The following NALCN variants were observed in gnomAD, a reference collection of about 807,000 sequenced individuals.
NALCN encodes sodium leak channel NALCN.
NALCN carries 111 observed loss-of-function variants against 225.3 expected under a neutral mutation model. The ratio of observed to expected loss-of-function variants is 0.49; its 90% confidence interval spans 0.42 to 0.58. The LOEUF (loss-of-function observed/expected upper bound fraction) is 0.58, where lower values mean the gene tolerates loss of function less well. Ranked by LOEUF, NALCN falls within the 20% of genes least tolerant of loss-of-function variation. NALCN has a pLI of 0.00. For missense variants in NALCN, 1,378 were observed against 2,202.4 expected (o/e 0.63, Z 7.49); for synonymous variants, 764 against 769.0 (o/e 0.99, Z 0.11).
At chr13:101,187,781 G>A (rs530807758) in intron 14 of NALCN, among the ~76,000 whole-genome samples, 1 of 152,304 alleles carries the variant, frequency 6.6e-6, no homozygotes, top group South Asian at 2.1e-4. Context: ...GCACTTGGGA[G>A]GGTAAATTAG....
At chr13:101,305,735 A>G (rs1401429340) in intron 7 of NALCN, among the ~76,000 whole-genome samples, 3 of 152,248 alleles carry the variant, frequency 2.0e-5, no homozygotes, top group Non-Finnish European at 4.4e-5. Flanking sequence ...TGCAGTATTT[A>G]TAAAAGTTTG....
intron 34 of NALCN, 122 bp downstream of exon 34, chr13:101,081,405 G>A: frequency 1.4e-6 from 2 of 1,382,894 alleles, no homozygotes; most frequent in Middle Eastern, 1.9e-4. Flanking sequence ...TGGGCTTTAG[G>A]GAGGTCCATC....
intron 10 of NALCN, among the ~76,000 whole-genome samples, chr13:101,259,485 C>A (rs2042345378): frequency 6.6e-6 from 1 of 151,618 alleles, no homozygotes; most frequent in Admixed American, 6.6e-5. Flanking sequence ...AGGCGCCCGC[C>A]ACCACGTCTG....
rs548478752 is a variant in NALCN at position 101,237,732 on chromosome 13, C to A, written c.1434+23G>T. On this transcript the variant is annotated intron_variant, in intron 12 of 43. Coordinates refer to ENST00000251127, the MANE Select transcript of NALCN (RefSeq NM_052867.4). ...CTGGAAATAAATAAATTTCTAAAGA[C>A]AAATAGGCATTATTTTTATTACCTG... 7 of 1,518,124 alleles carry A rather than the reference C, an allele frequency of 4.6e-6. No individual in the cohort carries two copies. The East Asian group carries it at 1.7e-4, about 37-fold the overall frequency. The allele number at this position is 1,518,124 out of a possible 1,614,324, so 94.0% of individuals were successfully genotyped here. A position where few individuals can be genotyped will look rare whatever the true frequency, so the allele number is the denominator to read the frequency against.
At chr13:101,059,674 C>CTTT (rs35627368) in intron 42 of NALCN, 144 bp downstream of exon 42, 343 of 607,570 alleles carry the variant, frequency 5.6e-4, no homozygotes, top group South Asian at 6.6e-4. Flanking sequence ...TTTCCGTTGC[C>CTTT]TTTTTTTTTT....
intron 13 of NALCN, among the ~76,000 whole-genome samples, chr13:101,204,321 G>C (rs1228875226): frequency 6.6e-6 from 1 of 152,132 alleles, no homozygotes; most frequent in Admixed American, 6.5e-5. Flanking sequence ...ATGTTGGCAA[G>C]AAAGACCAAG....
intron 3 of NALCN, among the ~76,000 whole-genome samples, chr13:101,382,607 C>A (rs2046882154): frequency 6.6e-6 from 1 of 152,048 alleles, no homozygotes; most frequent in Non-Finnish European, 1.5e-5. Context: ...CTGGCCCACA[C>A]TACATTTCAA....
Position 101,055,407 on chromosome 13 carries a change from T to C in NALCN, c.5105A>G (p.Lys1702Arg). The C allele has an allele frequency of 1.2e-6, 2 of 1,614,168 alleles. No homozygotes were observed. Among genetic ancestry groups the C allele is most frequent in the South Asian group, 2.2e-5 (2 of 91,080 alleles). Residue 1702 changes from lysine to arginine, a missense_variant, in exon 44 of 44, where the codon AAA becomes AGA. Lys to Arg is a conservative substitution (Grantham distance 26). Transcript: ENST00000251127. ...AGCCGCGTCAGTCATGGGGTTCATTTTGCACACGACAGATTTCATGGTTGT... is the reference window on the plus strand; with the variant it reads ...AGCCGCGTCAGTCATGGGGTTCATTCTGCACACGACAGATTTCATGGTTGT... ...GRTTMKSVVC[K>R]MNPMTDAASC...
intron 15 of NALCN, among the ~76,000 whole-genome samples, chr13:101,152,780 T>C (rs2037714958): frequency 6.6e-6 from 1 of 152,164 alleles, no homozygotes; most frequent in African/African-American, 2.4e-5. Context: ...ATTATATCTG[T>C]CCTTTGTTAC....
At chr13:101,236,411 G>C (rs2041555773) in intron 12 of NALCN, among the ~76,000 whole-genome samples, 1 of 152,050 alleles carries the variant, frequency 6.6e-6, no homozygotes, top group Non-Finnish European at 1.5e-5. Context: ...TCCCATTACT[G>C]GGTATATACC....
chr13:101,398,959 T>C lies in NALCN; in HGVS notation c.108+60A>G, dbSNP rs547831175. Reference sequence around the variant, plus strand: ...GCCAAAGGTACATGATATTTGAATTTGTCAATCACATTTATCTCACATCCA... The same window carrying C: ...GCCAAAGGTACATGATATTTGAATTCGTCAATCACATTTATCTCACATCCA... On this transcript the variant is annotated intron_variant, in intron 2 of 43. Coordinates refer to ENST00000251127, the MANE Select transcript of NALCN (RefSeq NM_052867.4). 1.2e-5 allele frequency: 13 copies of C among 1,077,528 alleles called. No homozygotes were observed. The African/African-American group carries it at 1.9e-4, about 15-fold the overall frequency. 66.7% of individuals were successfully genotyped at this position (1,077,528 alleles called of 1,614,324 possible). A position where few individuals can be genotyped will look rare whatever the true frequency, so the allele number is the denominator to read the frequency against.
intron 6 of NALCN, among the ~76,000 whole-genome samples, chr13:101,348,249 T>G (rs2045802605): frequency 6.6e-6 from 1 of 152,212 alleles, no homozygotes; most frequent in Non-Finnish European, 1.5e-5. Context: ...TCTGACCTAC[T>G]TATTACATGT....
At chr13:101,237,979 T>G (rs2041624120) in intron 11 of NALCN, 57 bp from the exon 12 acceptor site, 3 of 1,484,078 alleles carry the variant, frequency 2.0e-6, no homozygotes, top group Middle Eastern at 2.2e-4. Context: ...TATTCTAAAT[T>G]ATTTCACATA....
At chr13:101,332,633 G>C (rs2045225808) in intron 7 of NALCN, among the ~76,000 whole-genome samples, 1 of 152,098 alleles carries the variant, frequency 6.6e-6, no homozygotes, top group African/African-American at 2.4e-5. Context: ...AAATGAAGGT[G>C]GCACACTTAA....
chr13:101,300,540 T>C (rs1441463921), intron 7 of NALCN, among the ~76,000 whole-genome samples: 1 of 152,016 alleles, frequency 6.6e-6, no homozygotes, highest in Non-Finnish European at 1.5e-5. Context: ...AGCCTTCACC[T>C]CCTGGGTTCA....
intron 13 of NALCN, among the ~76,000 whole-genome samples, chr13:101,217,299 A>G (rs2040773321): frequency 6.6e-6 from 1 of 152,174 alleles, no homozygotes; most frequent in Non-Finnish European, 1.5e-5. Flanking sequence ...CTGTTCCAGA[A>G]TGAATAGTTC....
chr13:101,061,638 C>T lies in NALCN; in HGVS notation c.4755+330G>A, dbSNP rs376380300. Among the ~76,000 whole-genome samples, 85 of 152,288 alleles carry T rather than the reference C, an allele frequency of 5.6e-4. 2 individuals are homozygous for T. In the East Asian group the frequency reaches 0.014, roughly 25 times the overall value. ...CAAGTGAGTTGAGCTCCCCCCTTGACCTCTCATAGTGCTGGGATTACAGGC... is the reference window on the plus strand; with the variant it reads ...CAAGTGAGTTGAGCTCCCCCCTTGATCTCTCATAGTGCTGGGATTACAGGC... On this transcript the variant is annotated intron_variant, in intron 41 of 43. Coordinates refer to ENST00000251127, the MANE Select transcript of NALCN (RefSeq NM_052867.4).
At chr13:101,188,699 T>C (rs544379313) in intron 14 of NALCN, among the ~76,000 whole-genome samples, 1 of 151,608 alleles carries the variant, frequency 6.6e-6, no homozygotes, top group East Asian at 1.9e-4. Context: ...TATATATTTT[T>C]TTGAGATGGA....
chr13:101,280,241 T>C (rs938006962), intron 10 of NALCN, among the ~76,000 whole-genome samples: 11 of 152,198 alleles, frequency 7.2e-5, no homozygotes, highest in Non-Finnish European at 1.5e-5. Context: ...TTGAGTGGAA[T>C]GAAACTTGTG....
Sources: allele counts gnomAD v4.1 joint callset (sites outside exome capture counted in the v4.1 genomes callset), GRCh38; gene constraint gnomAD v4.1.1; transcripts MANE v1.5; gene names NCBI Gene and HGNC (gene_info 2026-07-23, HGNC 2026-07-21).